ART3: variants seen among roughly 807,000 people sequenced by gnomAD.
ART3 encodes ecto-ADP-ribosyltransferase 3.
Under a neutral mutation model 48.5 loss-of-function variants are expected in ART3, and 49 were observed. The ratio of observed to expected loss-of-function variants is 1.01; its 90% CI spans 0.80 to 1.28. ART3 has a LOEUF of 1.28. Ranked by LOEUF, ART3 falls within the 50% of genes most tolerant of loss-of-function variation. The pLI is 0.00. For missense variants in ART3, 438 were observed against 454.3 expected (o/e 0.96, Z 0.33); for synonymous variants, 145 against 157.2 (o/e 0.92, Z 0.58).
At chr4:76,075,643 G>A (rs1720879156) in intron 1 of ART3, among the ~76,000 whole-genome samples, 1 of 152,096 alleles carries the variant, frequency 6.6e-6, no homozygotes, top group Non-Finnish European at 1.5e-5. Flanking sequence ...TTAATCTTGA[G>A]CAAATCACTG....
chr4:76,094,797 T>C lies in ART3; in HGVS notation c.782-2847T>C, dbSNP rs538000733. On this transcript the variant is annotated intron_variant, in intron 3 of 11. Coordinates refer to ENST00000355810, the MANE Select transcript of ART3 (RefSeq NM_001130016.3). The stretch of plus-strand genomic sequence containing the variant: ...TTGAGGGAAACCCTTTGCAGATCTC[T>C]GGAGTTCTCTGTTTGTGCCACTCCT... Among the ~76,000 whole-genome samples the C allele has an allele frequency of 3.3e-5, 5 of 152,344 alleles. No homozygotes were observed. In the South Asian group the frequency reaches 1.0e-3, roughly 32 times the overall value.
At chr4:76,011,941 A>G (rs1281973607) in intron 1 of ART3, among the ~76,000 whole-genome samples, 2 of 152,206 alleles carry the variant, frequency 1.3e-5, no homozygotes, top group Non-Finnish European at 1.5e-5. Context: ...AGAAACAGAA[A>G]CCTGATGAGA....
intron 8 of ART3, among the ~76,000 whole-genome samples, chr4:76,102,795 G>C (rs1017926431): frequency 3.3e-5 from 5 of 151,908 alleles, no homozygotes; most frequent in Non-Finnish European, 7.4e-5. Context: ...ATAATTTTCT[G>C]TATTTTTCCA....
chr4:76,084,397 A>C (rs184124263), intron 3 of ART3, among the ~76,000 whole-genome samples: 1 of 152,334 alleles, frequency 6.6e-6, no homozygotes, highest in Admixed American at 6.5e-5. Context: ...AGCTTGATTA[A>C]TAGTTTATGT....
At position 76,076,521 on chromosome 4, in the gene ART3, C is replaced by T. The variant is rs142423860; in HGVS notation, c.69+563C>T. Among the ~76,000 whole-genome samples the T allele has an allele frequency of 7.2e-5, 11 of 152,304 alleles. No homozygotes were observed. The East Asian group carries it at 1.7e-3, about 24-fold the overall frequency. ...TCCACTCAGAGGGAATGATTCCCAACCTGTTGGTGTATACAGGCTTCTTGG... is the reference window on the plus strand; with the variant it reads ...TCCACTCAGAGGGAATGATTCCCAATCTGTTGGTGTATACAGGCTTCTTGG... On this transcript the variant is annotated intron_variant, in intron 2 of 11. Coordinates refer to ENST00000355810, the MANE Select transcript of ART3 (RefSeq NM_001130016.3).
intron 1 of ART3, chr4:76,058,551 A>G (rs778802850): frequency 7.9e-5 from 12 of 152,196 alleles, no homozygotes; most frequent in Non-Finnish European, 1.5e-4. Context: ...CTGCTGATTC[A>G]TATGTTTAGA....
At chr4:76,017,078 G>A (rs1732334513) in intron 1 of ART3, among the ~76,000 whole-genome samples, 2 of 152,104 alleles carry the variant, frequency 1.3e-5, no homozygotes, top group South Asian at 4.2e-4. Flanking sequence ...CTGTGGCCGA[G>A]CTGGTACCTG....
In ART3 at chr4:76,035,291, T is replaced by G. The variant is rs1358109572; in HGVS notation, c.-10+23971T>G. 1 of 1,614,050 alleles carries G rather than the reference T, an allele frequency of 6.2e-7. No individual in the cohort carries two copies. On this transcript the variant is annotated intron_variant, in intron 1 of 9. Transcript: ENST00000341029. The stretch of plus-strand genomic sequence containing the variant: ...CTCAATATCTGCCACTTTCACTGCT[T>G]TTACCCCAGGGCCTATGCAAAGACA...
chr4:76,078,802 C>G (rs778117865), intron 2 of ART3, among the ~76,000 whole-genome samples: 2 of 152,148 alleles, frequency 1.3e-5, no homozygotes, highest in African/African-American at 4.8e-5. Flanking sequence ...ACAAGACGGC[C>G]GGGCACGGTG....
intron 3 of ART3, among the ~76,000 whole-genome samples, chr4:76,097,168 G>T (rs575133965): frequency 6.6e-6 from 1 of 152,264 alleles, no homozygotes; most frequent in Non-Finnish European, 1.5e-5. Context: ...TGGCTGTTTG[G>T]TGGCTGTACT....
intron 3 of ART3, among the ~76,000 whole-genome samples, chr4:76,089,969 A>G (rs1431622465): frequency 6.6e-6 from 1 of 152,058 alleles, no homozygotes; most frequent in Non-Finnish European, 1.5e-5. Context: ...AGTCCCAGCT[A>G]CTCGGGAGGC....
At chr4:76,021,265 T>G (rs1206875517) in intron 1 of ART3, 1 of 152,278 alleles carries the variant, frequency 6.6e-6, no homozygotes, top group African/African-American at 2.4e-5. Context: ...CTATCTGTAT[T>G]TTTAAAATTT....
chr4:76,092,435 A>T (rs1172877987), intron 3 of ART3, among the ~76,000 whole-genome samples: 1 of 152,026 alleles, frequency 6.6e-6, no homozygotes, highest in Non-Finnish European at 1.5e-5. Flanking sequence ...GTCTTTTAGT[A>T]GTTTACAAAT....
rs1160410234 is a variant in ART3, at chr4:76,040,479, C to CACAT, written c.-10+29160_-10+29161insCATA. 5.3e-4 allele frequency among the ~76,000 whole-genome samples: 79 copies of CACAT among 149,864 alleles called. 1 individual carries two copies. Among genetic ancestry groups the CACAT allele is most frequent in the African/African-American group, 1.7e-3 (68 of 40,518 alleles). ...ACACACACACACACACACACACACACATTTCGCCTAACAAGTTCTATATCA... is the reference window on the plus strand; with the variant it reads ...ACACACACACACACACACACACACACACATATTTCGCCTAACAAGTTCTATATCA... On this transcript the variant is annotated intron_variant, in intron 1 of 9. Transcript: ENST00000341029.
intron 2 of ART3, among the ~76,000 whole-genome samples, chr4:76,079,032 A>C (rs926970655): frequency 5.3e-5 from 8 of 152,094 alleles, no homozygotes; most frequent in African/African-American, 1.9e-4. Context: ...AGTGAGCCGA[A>C]ATAGTGCCAC....
At chr4:76,043,661 G>T (rs1035761757) in intron 1 of ART3, among the ~76,000 whole-genome samples, 2 of 151,896 alleles carry the variant, frequency 1.3e-5, no homozygotes, top group Non-Finnish European at 2.9e-5. Context: ...TCCCACTGGC[G>T]CCTGTCCCTC....
chr4:76,032,822 G>A (rs529382833), intron 1 of ART3, among the ~76,000 whole-genome samples: 4 of 152,080 alleles, frequency 2.6e-5, no homozygotes, highest in Admixed American at 1.3e-4. Flanking sequence ...CTGACCTCAG[G>A]TGATCCGCCC....
At position 76,068,343 on chromosome 4, in the gene ART3, C is replaced by T. The variant is rs201895357; in HGVS notation, c.-9-7538C>T. Reference sequence around the variant, plus strand: ...CATGTATTAATAGTTTATTCTTTTTCAAAGCATGTTTATTGAGATACAATT... The same window carrying T: ...CATGTATTAATAGTTTATTCTTTTTTAAAGCATGTTTATTGAGATACAATT... On this transcript the variant is annotated intron_variant, in intron 1 of 9. Transcript: ENST00000341029. Among the ~76,000 whole-genome samples the T allele has an allele frequency of 2.1e-4, 32 of 152,168 alleles. No homozygotes were observed. The East Asian group carries it at 6.0e-3, about 28-fold the overall frequency.
intron 1 of ART3, chr4:76,034,874 A>T: frequency 6.8e-7 from 1 of 1,473,202 alleles, no homozygotes; most frequent in Middle Eastern, 1.7e-4. Context: ...CCCCCAGGAC[A>T]TCTAAAAACA....
Sources: gnomAD v4.1 joint callset for allele counts (sites outside exome capture counted in the v4.1 genomes callset) on GRCh38, gnomAD v4.1.1 for gene constraint, MANE v1.5 for transcripts, NCBI Gene and HGNC (gene_info 2026-07-23, HGNC 2026-07-21) for gene names.